Variants in CCZ1 observed in about 807,000 individuals in gnomAD.
CCZ1 encodes the protein vacuolar fusion protein CCZ1 homolog.
Under a neutral mutation model 57.8 loss-of-function variants are expected in CCZ1, and 19 were observed. The ratio of observed to expected loss-of-function variants is 0.33; its 90% CI spans 0.23 to 0.48. The LOEUF (loss-of-function observed/expected upper bound fraction) is 0.48. Among genes scored for constraint, CCZ1 ranks in the 20% least tolerant of loss-of-function variants. The pLI is 0.99. For synonymous variants in CCZ1, 81 were observed against 167.0 expected (o/e 0.49, Z 3.97); for missense variants, 200 against 492.0 (o/e 0.41, Z 5.61).
At chr7:5,915,779 C>CCCCCCA (rs1554282606) in intron 10 of CCZ1, among the ~76,000 whole-genome samples, 1 of 28,566 alleles carries the variant, frequency 3.5e-5, no homozygotes, top group Non-Finnish European at 9.6e-5. Context: ...TGTTCCAAAA[C>CCCCCCA]CCCCGGGAGG....
intron 7 of CCZ1, among the ~76,000 whole-genome samples, chr7:5,908,358 ATTTAC>A (rs1207813001): frequency 8.4e-6 from 1 of 119,524 alleles, no homozygotes; most frequent in Non-Finnish European, 1.8e-5. Flanking sequence ...ACCCTTATGT[ATTTAC>A]TTAGTATATT....
chr7:5,899,243 G>A (rs1407865054), intron 1 of CCZ1, among the ~76,000 whole-genome samples: 1 of 116,832 alleles, frequency 8.6e-6, no homozygotes, highest in East Asian at 2.5e-4. Context: ...TGGAACCAGG[G>A]TGGCAGACGC....
At position 5,909,926 on chromosome 7, in the gene CCZ1, A is replaced by T. The variant is rs1583186242; in HGVS notation, c.699-109A>T. The T allele has an allele frequency of 5.4e-6, 4 of 745,378 alleles. No individual in the cohort carries two copies. The East Asian group carries it at 8.0e-5, about 15-fold the overall frequency. 46.2% of individuals were successfully genotyped at this position (745,378 alleles called of 1,614,324 possible). A position where few individuals can be genotyped will look rare whatever the true frequency, so the allele number is the denominator to read the frequency against. ...AAAAAGTTAGAATTTATTCTGTGTT[A>T]CTAAAAATGACTTGAAAAAAAAATT... On this transcript the variant is annotated intron_variant, in intron 7 of 14. Coordinates refer to ENST00000325974, the MANE Select transcript of CCZ1 (RefSeq NM_015622.6).
chr7:5,912,724 C>G (rs1779064368), intron 9 of CCZ1, 119 bp from the exon 10 acceptor site: 1 of 1,207,034 alleles, frequency 8.3e-7, no homozygotes, highest in Non-Finnish European at 1.2e-6. Flanking sequence ...TGGTGTTTGC[C>G]AAATAGCACC....
intron 8 of CCZ1, among the ~76,000 whole-genome samples, chr7:5,910,696 A>ATGTAT (rs1781950371): frequency 3.7e-5 from 1 of 27,170 alleles, no homozygotes; most frequent in Non-Finnish European, 7.1e-5. Flanking sequence ...CTTTTAATTT[A>ATGTAT]TGTATTTTAT....
At chr7:5,906,128 A>G (rs1302231193) in intron 7 of CCZ1, among the ~76,000 whole-genome samples, 1 of 147,066 alleles carries the variant, frequency 6.8e-6, no homozygotes, top group Non-Finnish European at 1.5e-5. Flanking sequence ...CTATCGTGAA[A>G]CTAGGTTTGT....
chr7:5,899,372 TGTGTGTGTGTGG>T lies in CCZ1; in HGVS notation c.120+454_120+465del, dbSNP rs904147084. Among the ~76,000 whole-genome samples the T allele has an allele frequency of 3.2e-3, 413 of 129,030 alleles. 4 individuals carry two copies. The highest frequency in any genetic ancestry group is 0.012 in the Middle Eastern group (3 of 258). 84.6% of individuals were successfully genotyped at this position (129,030 alleles called of 152,430 possible). A position where few individuals can be genotyped will look rare whatever the true frequency, so the allele number is the denominator to read the frequency against. On this transcript the variant is annotated intron_variant, in intron 1 of 14. Transcript: ENST00000325974. ...GTGTGTGTGTGTGTGTGTGTGTGTGTGTGTGTGTGTGGTTTTTCTGAGGTGGGGACGGCGACT... is the reference window on the plus strand; with the variant it reads ...GTGTGTGTGTGTGTGTGTGTGTGTGTTTTTTCTGAGGTGGGGACGGCGACT...
Position 5,905,110 on chromosome 7 carries a change from A to G in CCZ1, c.539A>G (p.His180Arg), listed in dbSNP as rs777275461. Reference sequence around the variant, plus strand: ...TTCCCACAGTATTTGCAAACGCTACATTTGCAGTCATGTGACCTACTTGAC... The same window carrying G: ...TTCCCACAGTATTTGCAAACGCTACGTTTGCAGTCATGTGACCTACTTGAC... ...KFFHRYLQTL[H>R]LQSCDLLDIF... is the part of the protein sequence containing the mutation. Residue 180 changes from histidine to arginine, a missense_variant, in exon 7 of 15, where the codon CAT (histidine) becomes CGT (arginine). Around this residue, in one of 5 missense-constraint regions of CCZ1, gnomAD observed 128 missense variants for 178.4 expected, o/e 0.72. Transcript: ENST00000325974. 2.2e-5 allele frequency: 35 copies of G among 1,598,784 alleles called. 7 individuals carry two copies. In the South Asian group the frequency reaches 3.5e-4, roughly 16 times the overall value.
chr7:5,905,944 T>C (rs1205545682), intron 7 of CCZ1, among the ~76,000 whole-genome samples: 8 of 137,504 alleles, frequency 5.8e-5, no homozygotes, highest in Non-Finnish European at 1.1e-4. Flanking sequence ...GGGTTTACTG[T>C]GTTGCCCAGG....
intron 12 of CCZ1, among the ~76,000 whole-genome samples, chr7:5,921,826 TA>T (rs1247428873): frequency 3.3e-5 from 4 of 122,462 alleles, no homozygotes; most frequent in Non-Finnish European, 7.1e-5. Flanking sequence ...GTAGTGACCA[TA>T]GAGAACGTGT....
rs1276986495 is a variant in CCZ1 at position 5,898,850 on chromosome 7, G to A, written c.51G>A (p.Glu17=). The A allele has an allele frequency of 6.6e-6, 3 of 453,998 alleles. No individual in the cohort carries two copies. In the African/African-American group the frequency reaches 8.0e-5, roughly 12 times the overall value. 28.1% of individuals were successfully genotyped at this position (453,998 alleles called of 1,614,324 possible). A position where few individuals can be genotyped will look rare whatever the true frequency, so the allele number is the denominator to read the frequency against. The change falls in exon 1 of 15, where the codon GAG becomes GAA. Residue 17 remains glutamate, a synonymous_variant. Coordinates refer to ENST00000325974, the MANE Select transcript of CCZ1 (RefSeq NM_015622.6). ...GGAGCGGGCCCTGGGCGGCCCAGGA[G>A]AAGCAGTTCCCGCCGGCGCTGCTGA... ...GAGSGPWAAQ[E]KQFPPALLSF...
chr7:5,921,041 T>TC (rs1779233160), intron 12 of CCZ1, among the ~76,000 whole-genome samples: 1 of 85,884 alleles, frequency 1.2e-5, no homozygotes. Context: ...AACCTCCGCC[T>TC]CCCAGGTTCA....
chr7:5,925,368 G>GT (rs1451888332), intron 14 of CCZ1, among the ~76,000 whole-genome samples: 91 of 125,568 alleles, frequency 7.2e-4, no homozygotes, highest in African/African-American at 2.6e-3. Context: ...GCGTGGTGGT[G>GT]TGCACCTGTA....
chr7:5,902,604 C>T (rs563714019), intron 5 of CCZ1, 57 bp from the exon 6 acceptor site: 4 of 1,530,556 alleles, frequency 2.6e-6, no homozygotes, highest in African/African-American at 1.4e-5. Context: ...ACTTGTTATA[C>T]TGAAAAAGTG....
intron 7 of CCZ1, among the ~76,000 whole-genome samples, chr7:5,909,013 G>A (rs1484270077): frequency 6.8e-6 from 1 of 146,310 alleles, no homozygotes; most frequent in Non-Finnish European, 1.5e-5. Context: ...AGGAAGCTAA[G>A]AGACATCTGC....
Position 5,900,831 on chromosome 7 carries a change from A to G in CCZ1, c.313-24A>G, listed in dbSNP as rs369347777. The G allele has an allele frequency of 4.3e-5, 54 of 1,262,554 alleles. No homozygotes were observed. In the African/African-American group the frequency reaches 6.3e-4, roughly 15 times the overall value. 78.2% of individuals were successfully genotyped at this position (1,262,554 alleles called of 1,614,324 possible). Reference sequence around the variant, plus strand: ...CATGGTCTAATGAATTCATTGTATAATTTCAGTTTATCAAACTTTGTAGGT... The same window carrying G: ...CATGGTCTAATGAATTCATTGTATAGTTTCAGTTTATCAAACTTTGTAGGT... On this transcript the variant is annotated intron_variant, in intron 3 of 14. Transcript: ENST00000325974.
rs541082809 is a variant in CCZ1, at chr7:5,911,264, C to A, written c.781-597C>A. On this transcript the variant is annotated intron_variant, in intron 8 of 14. Transcript: ENST00000325974. The stretch of plus-strand genomic sequence containing the variant: ...CAAAGTATTTTCAGAGCTTAACATA[C>A]AAAAATCATTTTGGCTCAGTTGAAC... Among the ~76,000 whole-genome samples the A allele has an allele frequency of 3.0e-4, 45 of 148,946 alleles. 7 individuals are homozygous for A. In the South Asian group the frequency reaches 9.3e-3, roughly 31 times the overall value.
At position 5,909,904 on chromosome 7, in the gene CCZ1, A is replaced by C; in HGVS notation, c.699-131A>C. 3 of 679,382 alleles carry C rather than the reference A, an allele frequency of 4.4e-6. No individual in the cohort carries two copies. In the South Asian group the frequency reaches 6.2e-5, roughly 14 times the overall value. 42.1% of individuals were successfully genotyped at this position (679,382 alleles called of 1,614,324 possible). ...GTTTTAAGTAGCTTTAGACTTTAAAAAGTTAGAATTTATTCTGTGTTACTA... is the reference window on the plus strand; with the variant it reads ...GTTTTAAGTAGCTTTAGACTTTAAACAGTTAGAATTTATTCTGTGTTACTA... On this transcript the variant is annotated intron_variant, in intron 7 of 14. Coordinates refer to ENST00000325974, the MANE Select transcript of CCZ1 (RefSeq NM_015622.6).
At position 5,910,483 on chromosome 7, in the gene CCZ1, C is replaced by T. The variant is rs1422564928; in HGVS notation, c.780+367C>T. 8.1e-5 allele frequency among the ~76,000 whole-genome samples: 12 copies of T among 147,712 alleles called. 2 individuals are homozygous for T. The highest frequency in any genetic ancestry group is 2.7e-4 in the African/African-American group (11 of 40,022). On this transcript the variant is annotated intron_variant, in intron 8 of 14. Transcript: ENST00000325974. ...CTGGGATTACAGGTGCCTGCCACCA[C>T]GCCCAGCTAATTTTTTTGTATTTTT...
Sources: gnomAD v4.1 joint callset for allele counts (sites outside exome capture counted in the v4.1 genomes callset) on GRCh38, gnomAD v4.1.1 for gene constraint, gnomAD v4.1.1 regional missense constraint, MANE v1.5 for transcripts, NCBI Gene and HGNC (gene_info 2026-07-23, HGNC 2026-07-21) for gene names.